The following CACNB2 variants were observed in gnomAD, a reference collection of about 807,000 sequenced individuals.
The protein encoded by CACNB2 is voltage-dependent L-type calcium channel subunit beta-2.
CACNB2 carries 42 observed loss-of-function variants against 73.3 expected under a neutral mutation model. The ratio of observed to expected loss-of-function variants is 0.57; its 90% confidence interval spans 0.45 to 0.74. CACNB2 has a LOEUF of 0.74. Ranked by LOEUF, CACNB2 falls within the 30% of genes least tolerant of loss-of-function variation. The probability of loss-of-function intolerance (pLI) is 0.00; values close to 1 mark genes in which losing one functional copy is unlikely to be tolerated. For synonymous variants in CACNB2, 348 were observed against 310.3 expected (o/e 1.12, Z -1.28); for missense variants, 940 against 853.0 (o/e 1.10, Z -1.27).
intron 2 of CACNB2, chr10:18,224,416 T>C (rs1323897342): frequency 6.6e-6 from 1 of 152,164 alleles, no homozygotes; most frequent in Non-Finnish European, 1.5e-5. Context: ...GTGAGTTTCA[T>C]ACAAAATTAA....
At chr10:18,243,105 T>C (rs1036552089) in intron 2 of CACNB2, among the ~76,000 whole-genome samples, 6 of 152,064 alleles carry the variant, frequency 3.9e-5, no homozygotes, top group Admixed American at 3.3e-4. Context: ...GTTGTCAATA[T>C]TGTTATATTT....
chr10:18,267,635 A>C (rs2037870430), intron 2 of CACNB2, among the ~76,000 whole-genome samples: 1 of 152,158 alleles, frequency 6.6e-6, no homozygotes, highest in Admixed American at 6.5e-5. Context: ...TAAAAAGGGA[A>C]ATGAGGTAAA....
At chr10:18,485,502 TA>T (rs61319080) in intron 3 of CACNB2, among the ~76,000 whole-genome samples, 70,828 of 149,116 alleles carry the variant, frequency 0.47, 16,832 homozygotes, top group Middle Eastern at 0.55. Flanking sequence ...AATAAGTGGA[TA>T]AAAAAAACGG....
intron 2 of CACNB2, among the ~76,000 whole-genome samples, chr10:18,346,504 T>C (rs1182354778): frequency 1.3e-5 from 2 of 152,270 alleles, no homozygotes; most frequent in Admixed American, 6.5e-5. Flanking sequence ...TAATGTAATA[T>C]CATGTCATTT....
chr10:18,493,599 T>A (rs1197600057), intron 3 of CACNB2, among the ~76,000 whole-genome samples: 1 of 152,152 alleles, frequency 6.6e-6, no homozygotes, highest in Non-Finnish European at 1.5e-5. Context: ...TTTTCTGTAA[T>A]CCCGTTACCT....
intron 2 of CACNB2, among the ~76,000 whole-genome samples, chr10:18,271,134 C>T (rs1322075501): frequency 6.6e-6 from 1 of 152,192 alleles, no homozygotes; most frequent in Non-Finnish European, 1.5e-5. Context: ...GTTCCTTGGT[C>T]TCATCAATAT....
chr10:18,359,534 A>G (rs61839211), intron 2 of CACNB2, among the ~76,000 whole-genome samples: 4,086 of 152,140 alleles, frequency 0.027, 60 homozygotes, highest in South Asian at 0.047. Flanking sequence ...TTGGCCTCCC[A>G]AAGTGTTAGG....
chr10:18,163,313 T>C (rs572746103), intron 2 of CACNB2, among the ~76,000 whole-genome samples: 1 of 150,850 alleles, frequency 6.6e-6, no homozygotes, highest in South Asian at 2.1e-4. Flanking sequence ...TATATATCCT[T>C]ATAAATATGT....
At chr10:18,413,893 G>A (rs1432560586) in intron 3 of CACNB2, among the ~76,000 whole-genome samples, 1 of 152,220 alleles carries the variant, frequency 6.6e-6, no homozygotes, top group Non-Finnish European at 1.5e-5. Flanking sequence ...CAGGCAACTG[G>A]GGCACACAGC....
At chr10:18,225,816 T>C (rs1344024738) in intron 2 of CACNB2, among the ~76,000 whole-genome samples, 1 of 151,984 alleles carries the variant, frequency 6.6e-6, no homozygotes, top group Non-Finnish European at 1.5e-5. Flanking sequence ...AGTTTTTAAA[T>C]TTTTGTAGAA....
At chr10:18,185,058 C>G (rs2034087673) in intron 2 of CACNB2, among the ~76,000 whole-genome samples, 1 of 152,102 alleles carries the variant, frequency 6.6e-6, no homozygotes, top group Non-Finnish European at 1.5e-5. Context: ...AAGCTGGTCT[C>G]AAACTCCTGG....
At chr10:18,466,619 G>A (rs894039143) in intron 3 of CACNB2, among the ~76,000 whole-genome samples, 9 of 152,086 alleles carry the variant, frequency 5.9e-5, no homozygotes, top group Admixed American at 2.6e-4. Context: ...AATTGATTTC[G>A]TTTGTAGCTG....
chr10:18,286,229 T>A (rs1227140353), intron 2 of CACNB2, among the ~76,000 whole-genome samples: 1 of 152,200 alleles, frequency 6.6e-6, no homozygotes, highest in African/African-American at 2.4e-5. Flanking sequence ...TTAACATTAC[T>A]TATGCTGCCG....
chr10:18,478,531 A>G (rs1210459035), intron 3 of CACNB2, among the ~76,000 whole-genome samples: 1 of 152,176 alleles, frequency 6.6e-6, no homozygotes, highest in African/African-American at 2.4e-5. Flanking sequence ...GCCAAGGGAA[A>G]CTTCCCCTTC....
At chr10:18,253,836 C>T (rs752860040) in intron 2 of CACNB2, among the ~76,000 whole-genome samples, 45 of 152,204 alleles carry the variant, frequency 3.0e-4, no homozygotes, top group Non-Finnish European at 5.4e-4. Context: ...AGTTTGGGCG[C>T]GAAGACAATT....
intron 3 of CACNB2, among the ~76,000 whole-genome samples, chr10:18,451,577 G>A (rs369051670): frequency 6.6e-6 from 1 of 152,110 alleles, no homozygotes; most frequent in Non-Finnish European, 1.5e-5. Context: ...GTGTTTTTCC[G>A]ATAAACACAT....
chr10:18,443,140 G>C (rs542250869), intron 3 of CACNB2, among the ~76,000 whole-genome samples: 1 of 150,926 alleles, frequency 6.6e-6, no homozygotes, highest in South Asian at 2.1e-4. Context: ...ATTTGACTGA[G>C]TCGTGAAGTT....
At chr10:18,377,560 A>G (rs958839063) in intron 2 of CACNB2, among the ~76,000 whole-genome samples, 1 of 152,226 alleles carries the variant, frequency 6.6e-6, no homozygotes, top group African/African-American at 2.4e-5. Context: ...TTTGAATTTC[A>G]TGTAATTTTC....
At chr10:18,417,271 T>A (rs551228718) in intron 3 of CACNB2, among the ~76,000 whole-genome samples, 2 of 151,950 alleles carry the variant, frequency 1.3e-5, no homozygotes, top group Non-Finnish European at 2.9e-5. Flanking sequence ...CTTTTTAAAG[T>A]TTAGTTTATT....
Sources: allele counts gnomAD v4.1 joint callset (sites outside exome capture counted in the v4.1 genomes callset), GRCh38; gene constraint gnomAD v4.1.1; transcripts MANE v1.5; gene names NCBI Gene and HGNC (gene_info 2026-07-23, HGNC 2026-07-21).